Variants in ZFHX3 observed in about 807,000 individuals in gnomAD.
ZFHX3 encodes the protein zinc finger homeobox protein 3.
In ZFHX3, 42 loss-of-function variants were observed where a neutral mutation model predicts 279.1. That is an observed-to-expected ratio of 0.15 (90% CI 0.12 to 0.19). ZFHX3 has a LOEUF of 0.19. Among genes scored for constraint, ZFHX3 ranks in the 10% least tolerant of loss-of-function variants. The pLI is 1.00. For missense variants in ZFHX3, 4,981 were observed against 4,754.0 expected (o/e 1.05, Z -1.40); for synonymous variants, 2,293 against 1,957.8 (o/e 1.17, Z -4.52).
At chr16:73,714,659 G>A (rs1292577854) in intron 1 of ZFHX3, among the ~76,000 whole-genome samples, 2 of 152,162 alleles carry the variant, frequency 1.3e-5, no homozygotes, top group African/African-American at 4.8e-5. Flanking sequence ...CCAACTTCCT[G>A]ATCAGCTAGA....
At position 73,754,064 on chromosome 16, in the gene ZFHX3, T is replaced by C. The variant is rs16972471; in HGVS notation, c.-1607-73824A>G. On this transcript the variant is annotated intron_variant, in intron 1 of 17. Transcript: ENST00000641206. ...CTGCCTCCCAAATGTCTTGTGTATT[T>C]TGTCTTTCCATCCACACTGCAAACT... Among the ~76,000 whole-genome samples the C allele has an allele frequency of 5.5e-3, 831 of 151,594 alleles. 10 individuals are homozygous for C. The highest frequency in any genetic ancestry group is 0.019 in the African/African-American group (791 of 41,350).
chr16:73,150,625 A>T (rs949743424), intron 5 of ZFHX3, among the ~76,000 whole-genome samples: 4 of 152,238 alleles, frequency 2.6e-5, no homozygotes, highest in Admixed American at 2.6e-4. Context: ...CTTGAAAAAC[A>T]TTTACACGTC....
chr16:73,222,022 A>T (rs1167219447), intron 5 of ZFHX3, among the ~76,000 whole-genome samples: 1 of 152,190 alleles, frequency 6.6e-6, no homozygotes, highest in East Asian at 1.9e-4. Flanking sequence ...TTTCCCTATT[A>T]TACATAACTC....
intron 1 of ZFHX3, among the ~76,000 whole-genome samples, chr16:73,700,305 A>G (rs2053235334): frequency 6.6e-6 from 1 of 152,178 alleles, no homozygotes; most frequent in South Asian, 2.1e-4. Context: ...TTAGATCCCA[A>G]AGCCTGCCAG....
chr16:72,986,256 C>G (rs1398155194), intron 1 of ZFHX3, among the ~76,000 whole-genome samples: 3 of 152,164 alleles, frequency 2.0e-5, no homozygotes, highest in African/African-American at 7.2e-5. Context: ...CCGACAGCCA[C>G]TCAGGGCCTT....
At chr16:73,124,582 CA>C (rs570405248) in intron 7 of ZFHX3, among the ~76,000 whole-genome samples, 24 of 152,304 alleles carry the variant, frequency 1.6e-4, no homozygotes, top group African/African-American at 4.8e-4. Context: ...GCAACGGTAA[CA>C]GTGACAGTAC....
chr16:73,891,811 A>T lies in ZFHX3; in HGVS notation c.-1768T>A, dbSNP rs937360810. On this transcript the variant is annotated 5_prime_UTR_variant, in exon 1 of 18. Transcript: ENST00000641206. ...CTTTCTGTGTTGTGACTGGGTTTAT[A>T]AAAAAAATAAAAAAGACAACTCCAT... 2.0e-5 allele frequency: 3 copies of T among 149,976 alleles called. No individual in the cohort carries two copies. The East Asian group carries it at 5.8e-4, about 29-fold the overall frequency. 9.3% of individuals were successfully genotyped at this position (149,976 alleles called of 1,614,324 possible).
chr16:73,849,192 C>T (rs328378), intron 1 of ZFHX3, among the ~76,000 whole-genome samples: 9,299 of 152,242 alleles, frequency 0.061, 653 homozygotes, highest in African/African-American at 0.18. Flanking sequence ...GCTCCTTAGG[C>T]GGGCCCCATG....
chr16:73,281,255 G>A (rs999506657), intron 4 of ZFHX3, among the ~76,000 whole-genome samples: 1 of 152,104 alleles, frequency 6.6e-6, no homozygotes, highest in Non-Finnish European at 1.5e-5. Flanking sequence ...ATGAATGGAT[G>A]AAGAAATGGT....
chr16:72,929,895 A>T (rs1210455494), intron 3 of ZFHX3, among the ~76,000 whole-genome samples: 1 of 152,232 alleles, frequency 6.6e-6, no homozygotes, highest in Non-Finnish European at 1.5e-5. Context: ...CATGAAAAGG[A>T]GGACAAGAGG....
At chr16:73,461,235 A>G (rs2018465656) in intron 2 of ZFHX3, among the ~76,000 whole-genome samples, 1 of 151,988 alleles carries the variant, frequency 6.6e-6, no homozygotes, top group Non-Finnish European at 1.5e-5. Context: ...ACATTTGCCC[A>G]TTTTCTAATT....
At chr16:73,284,715 C>T (rs1006322284) in intron 4 of ZFHX3, among the ~76,000 whole-genome samples, 2 of 152,136 alleles carry the variant, frequency 1.3e-5, no homozygotes, top group Non-Finnish European at 2.9e-5. Flanking sequence ...TGTACCATGA[C>T]TTATTCAAAG....
intron 3 of ZFHX3, among the ~76,000 whole-genome samples, chr16:72,913,693 T>TGAA (rs931350995): frequency 6.6e-6 from 1 of 151,956 alleles, no homozygotes; most frequent in Non-Finnish European, 1.5e-5. Flanking sequence ...GGCAGGGGAG[T>TGAA]GAAGCTCCAC....
At chr16:73,601,419 G>A (rs994496563) in intron 2 of ZFHX3, among the ~76,000 whole-genome samples, 3 of 150,008 alleles carry the variant, frequency 2.0e-5, no homozygotes, top group Non-Finnish European at 2.9e-5. Context: ...GCAGTGAGCC[G>A]AGATCACGCC....
chr16:73,585,419 A>C (rs1161713582), intron 2 of ZFHX3, among the ~76,000 whole-genome samples: 1 of 152,180 alleles, frequency 6.6e-6, no homozygotes, highest in Non-Finnish European at 1.5e-5. Context: ...CATCTCAAAA[A>C]ACAAACAAAA....
chr16:73,233,573 A>T (rs1032651592), intron 5 of ZFHX3, among the ~76,000 whole-genome samples: 1 of 152,222 alleles, frequency 6.6e-6, no homozygotes. Flanking sequence ...CAAACGTGCC[A>T]GGCGATCGTC....
intron 5 of ZFHX3, among the ~76,000 whole-genome samples, chr16:73,238,486 T>A (rs74381522): frequency 1.1e-3 from 167 of 152,216 alleles, no homozygotes; most frequent in Non-Finnish European, 1.8e-3. Context: ...TTTCCCTATT[T>A]CTATTTTCTC....
At chr16:73,168,211 TTTTCTTTCTTTCTTTCTTTC>T (rs71156144) in intron 5 of ZFHX3, among the ~76,000 whole-genome samples, 107 of 95,312 alleles carry the variant, frequency 1.1e-3, no homozygotes, top group Admixed American at 3.0e-3. Flanking sequence ...GTTTCTTTTG[TTTTCTTTCTTTCTTTCTTTC>T]TTTCTTTCTT....
At chr16:73,104,221 G>GTATGTATGTATGTATTTATTTATT (rs57972353) in intron 7 of ZFHX3, among the ~76,000 whole-genome samples, 1 of 151,506 alleles carries the variant, frequency 6.6e-6, no homozygotes, top group African/African-American at 2.4e-5. Flanking sequence ...TTTATTTTAT[G>GTATGTATGTATGTATTTATTTATT]TATTTATTTA....
Sources: allele counts gnomAD v4.1 joint callset (sites outside exome capture counted in the v4.1 genomes callset), GRCh38; gene constraint gnomAD v4.1.1; transcripts MANE v1.5; gene names NCBI Gene and HGNC (gene_info 2026-07-23, HGNC 2026-07-21).